PCSK2: variants seen among roughly 807,000 people sequenced by gnomAD.
The protein encoded by PCSK2 is neuroendocrine convertase 2.
PCSK2 carries 14 observed loss-of-function variants against 69.7 expected under a neutral mutation model. The observed-to-expected ratio is 0.20, with a 90% CI of 0.13 to 0.31. The LOEUF (loss-of-function observed/expected upper bound fraction) is 0.31. Ranked by LOEUF, PCSK2 falls within the 10% of genes least tolerant of loss-of-function variation. The pLI, the probability that PCSK2 is intolerant of heterozygous loss-of-function variation, is 1.00. For synonymous variants in PCSK2, 307 were observed against 320.7 expected (o/e 0.96, Z 0.46); for missense variants, 544 against 842.5 (o/e 0.65, Z 4.39).
chr20:17,460,662 T>C (rs543085478), intron 10 of PCSK2, among the ~76,000 whole-genome samples: 17 of 152,332 alleles, frequency 1.1e-4, no homozygotes, highest in South Asian at 6.2e-4. Flanking sequence ...ATATTGTTTT[T>C]TTAGGGAAGT....
chr20:17,268,845 C>T (rs1407410984), intron 2 of PCSK2, among the ~76,000 whole-genome samples: 2 of 152,206 alleles, frequency 1.3e-5, no homozygotes, highest in South Asian at 2.1e-4. Context: ...GTGGCATAGG[C>T]CAGGATAGAA....
intron 1 of PCSK2, among the ~76,000 whole-genome samples, chr20:17,233,908 CT>C (rs1295129176): frequency 6.6e-6 from 1 of 152,202 alleles, no homozygotes; most frequent in African/African-American, 2.4e-5. Flanking sequence ...GATTGTTTCT[CT>C]GTGTTCTGCT....
intron 8 of PCSK2, among the ~76,000 whole-genome samples, chr20:17,440,594 C>T (rs993910645): frequency 6.6e-6 from 1 of 152,170 alleles, no homozygotes; most frequent in Admixed American, 6.5e-5. Flanking sequence ...GGCATAGTGG[C>T]TCACGCCTGT....
chr20:17,268,033 G>GTATATA (rs753655282), intron 2 of PCSK2, among the ~76,000 whole-genome samples: 2,539 of 65,868 alleles, frequency 0.039, 64 homozygotes, highest in South Asian at 0.053. Context: ...TATCCAATGT[G>GTATATA]TATATATATA....
At chr20:17,449,406 T>C (rs1230308061) in intron 8 of PCSK2, among the ~76,000 whole-genome samples, 1 of 152,104 alleles carries the variant, frequency 6.6e-6, no homozygotes, top group Non-Finnish European at 1.5e-5. Context: ...CTGGATAAAA[T>C]TCCCTCTGTT....
At chr20:17,327,088 A>G (rs1049917285) in intron 2 of PCSK2, among the ~76,000 whole-genome samples, 1 of 152,240 alleles carries the variant, frequency 6.6e-6, no homozygotes, top group Admixed American at 6.5e-5. Flanking sequence ...ATACGTTTGC[A>G]GTAACACAAT....
At chr20:17,336,735 C>T (rs374671946) in intron 2 of PCSK2, among the ~76,000 whole-genome samples, 9 of 152,182 alleles carry the variant, frequency 5.9e-5, no homozygotes, top group African/African-American at 1.9e-4. Flanking sequence ...CCCTGTGGCA[C>T]TAAGTAGCAT....
At chr20:17,328,197 AT>A (rs1188438319) in intron 2 of PCSK2, among the ~76,000 whole-genome samples, 1 of 152,166 alleles carries the variant, frequency 6.6e-6, no homozygotes, top group Non-Finnish European at 1.5e-5. Context: ...TTCATTAAAG[AT>A]TTGGAAATAT....
intron 2 of PCSK2, among the ~76,000 whole-genome samples, chr20:17,331,800 T>A (rs1600498159): frequency 6.6e-6 from 1 of 151,012 alleles, no homozygotes; most frequent in East Asian, 1.9e-4. Flanking sequence ...TTGGCAGAAG[T>A]GTGCAACCTT....
intron 5 of PCSK2, among the ~76,000 whole-genome samples, chr20:17,383,011 A>T (rs946968124): frequency 6.6e-6 from 1 of 152,116 alleles, no homozygotes; most frequent in Admixed American, 6.6e-5. Flanking sequence ...GTTTTGTTGC[A>T]TGTGTTCCCC....
rs774990639 is a variant in PCSK2, at chr20:17,482,093, C to T, written c.*23C>T. The T allele has an allele frequency of 4.6e-6, 7 of 1,530,900 alleles. No homozygotes were observed. 94.8% of individuals were successfully genotyped at this position (1,530,900 alleles called of 1,614,324 possible). A position where few individuals can be genotyped will look rare whatever the true frequency, so the allele number is the denominator to read the frequency against. On this transcript the variant is annotated 3_prime_UTR_variant, in exon 12 of 12. Transcript: ENST00000262545. ...TAGCGCTGCACATCCGCCTTTCCCACCGCCCTCCCTCCCCAGCTCCGCCTC... is the reference window on the plus strand; with the variant it reads ...TAGCGCTGCACATCCGCCTTTCCCATCGCCCTCCCTCCCCAGCTCCGCCTC...
chr20:17,421,398 G>A (rs1221700599), intron 6 of PCSK2, among the ~76,000 whole-genome samples: 1 of 152,082 alleles, frequency 6.6e-6, no homozygotes, highest in African/African-American at 2.4e-5. Flanking sequence ...CTATCAAGTA[G>A]GCTCTTGAAA....
At chr20:17,299,898 G>A (rs1021574261) in intron 2 of PCSK2, among the ~76,000 whole-genome samples, 1 of 152,118 alleles carries the variant, frequency 6.6e-6, no homozygotes, top group Non-Finnish European at 1.5e-5. Context: ...CTTGCTATAT[G>A]TCTATTTTGG....
intron 2 of PCSK2, among the ~76,000 whole-genome samples, chr20:17,344,709 G>A (rs1003194087): frequency 2.0e-5 from 3 of 151,978 alleles, no homozygotes; most frequent in Non-Finnish European, 4.4e-5. Flanking sequence ...ATAACTGGTG[G>A]GTGTATCCCT....
chr20:17,247,227 C>G (rs1259299131), intron 1 of PCSK2, among the ~76,000 whole-genome samples: 2 of 152,190 alleles, frequency 1.3e-5, no homozygotes, highest in Non-Finnish European at 2.9e-5. Context: ...CATCCCTACT[C>G]CTGGGCATCA....
intron 1 of PCSK2, among the ~76,000 whole-genome samples, chr20:17,252,233 T>C (rs900300452): frequency 1.3e-5 from 2 of 152,146 alleles, no homozygotes; most frequent in Admixed American, 6.5e-5. Flanking sequence ...AAGCTGTGGC[T>C]TTAAACAGCC....
chr20:17,268,806 G>A (rs150185961), intron 2 of PCSK2, among the ~76,000 whole-genome samples: 249 of 152,306 alleles, frequency 1.6e-3, no homozygotes, highest in African/African-American at 5.7e-3. Context: ...CATGCAAGGC[G>A]ATTGCAATAT....
chr20:17,308,954 A>G (rs1309595296), intron 2 of PCSK2, among the ~76,000 whole-genome samples: 1 of 152,200 alleles, frequency 6.6e-6, no homozygotes, highest in Non-Finnish European at 1.5e-5. Context: ...CAGAGTAAAT[A>G]TCAAAGGAAA....
At chr20:17,335,412 C>G (rs1213642533) in intron 2 of PCSK2, among the ~76,000 whole-genome samples, 1 of 104,102 alleles carries the variant, frequency 9.6e-6, no homozygotes, top group Non-Finnish European at 2.0e-5. Context: ...AGTCAGACAG[C>G]ATCACAGCAT....
Sources: gnomAD v4.1 joint callset for allele counts (sites outside exome capture counted in the v4.1 genomes callset) on GRCh38, gnomAD v4.1.1 for gene constraint, MANE v1.5 for transcripts, NCBI Gene and HGNC (gene_info 2026-07-23, HGNC 2026-07-21) for gene names.